Variants in HIPK2 observed in about 807,000 individuals in gnomAD.
HIPK2 encodes the protein homeodomain interacting protein kinase 2.
HIPK2 carries 27 observed loss-of-function variants against 113.7 expected under a neutral mutation model. The observed-to-expected ratio is 0.24, with a 90% confidence interval of 0.17 to 0.33. The LOEUF (loss-of-function observed/expected upper bound fraction) is 0.33. Ranked by LOEUF, HIPK2 falls within the 10% of genes least tolerant of loss-of-function variation. The probability of loss-of-function intolerance (pLI) is 1.00; values close to 1 mark genes in which losing one functional copy is unlikely to be tolerated. For synonymous variants in HIPK2, 631 were observed against 642.2 expected, an observed-to-expected ratio of 0.98 and a Z score of 0.26; for missense variants, 1,257 against 1,588.0, an observed-to-expected ratio of 0.79 and a Z score of 3.54.
At chr7:139,678,189 T>C (rs1478056027) in intron 2 of HIPK2, among the ~76,000 whole-genome samples, 1 of 152,244 alleles carries the variant, frequency 6.6e-6, no homozygotes, top group Non-Finnish European at 1.5e-5. Flanking sequence ...ACTGTGATGA[T>C]AGTTTCTTTT....
intron 2 of HIPK2, among the ~76,000 whole-genome samples, chr7:139,664,289 C>A (rs1266673135): frequency 6.6e-6 from 1 of 152,094 alleles, no homozygotes; most frequent in Non-Finnish European, 1.5e-5. Context: ...GTAATCCCAG[C>A]AACTTTGGGA....
intron 1 of HIPK2, among the ~76,000 whole-genome samples, chr7:139,719,969 C>G (rs918221377): frequency 1.3e-5 from 2 of 152,234 alleles, no homozygotes; most frequent in Admixed American, 6.5e-5. Flanking sequence ...CTCCAAACTT[C>G]CACTGGCTCC....
rs1794112537 is a variant in HIPK2 at position 139,683,344 on chromosome 7, A to G, written c.1103+32588T>C. ...GGTTGCTCTAGGCCAGTGCTTCAGC[A>G]GCGGCCTAGCCGGGTCTGGTGCAGG... On this transcript the variant is annotated intron_variant, in intron 2 of 14. Transcript: ENST00000406875. The surrounding 1 kb of genome is among the most constrained non-coding windows in gnomAD (Gnocchi z 4.2). 5.3e-5 allele frequency among the ~76,000 whole-genome samples: 8 copies of G among 152,228 alleles called. No homozygotes were observed. Among genetic ancestry groups the G allele is most frequent in the Admixed American group, 5.2e-4 (8 of 15,284 alleles).
At chr7:139,689,202 G>T (rs1021051406) in intron 2 of HIPK2, among the ~76,000 whole-genome samples, 1 of 152,140 alleles carries the variant, frequency 6.6e-6, no homozygotes, top group African/African-American at 2.4e-5. Context: ...ATGAACTGCT[G>T]GTAGGGAAAA....
At chr7:139,715,644 T>A (rs776338556) in intron 2 of HIPK2, among the ~76,000 whole-genome samples, 1 of 152,194 alleles carries the variant, frequency 6.6e-6, no homozygotes, top group East Asian at 1.9e-4. Context: ...CCTGTCTGGA[T>A]CCTACCCATC....
chr7:139,751,392 C>T (rs974681961), intron 1 of HIPK2, among the ~76,000 whole-genome samples: 2 of 152,162 alleles, frequency 1.3e-5, no homozygotes, highest in African/African-American at 2.4e-5. Flanking sequence ...AAGAACCAAT[C>T]CTGGCTAGTC....
chr7:139,649,317 C>T (rs1447582427), intron 2 of HIPK2, among the ~76,000 whole-genome samples: 1 of 152,186 alleles, frequency 6.6e-6, no homozygotes, highest in African/African-American at 2.4e-5. Context: ...TGTTACAGGG[C>T]CCCAGAGCCC....
intron 10 of HIPK2, 138 bp from the exon 11 acceptor site, chr7:139,600,734 A>G (rs1799395212): frequency 1.1e-6 from 1 of 945,106 alleles, no homozygotes; most frequent in Non-Finnish European, 1.6e-6. Context: ...TGAAGGGATG[A>G]GCCTGGCCAT....
At chr7:139,746,233 G>A (rs1406114003) in intron 1 of HIPK2, among the ~76,000 whole-genome samples, 1 of 152,164 alleles carries the variant, frequency 6.6e-6, no homozygotes, top group Non-Finnish European at 1.5e-5. Context: ...GACACCCACT[G>A]TCCCCCAGCC....
chr7:139,728,645 G>T (rs1413671091), intron 1 of HIPK2, among the ~76,000 whole-genome samples: 1 of 152,210 alleles, frequency 6.6e-6, no homozygotes, highest in Non-Finnish European at 1.5e-5. Flanking sequence ...CACATTCTGA[G>T]ATATGGAAGG....
At chr7:139,757,514 A>C (rs1276677945) in intron 1 of HIPK2, among the ~76,000 whole-genome samples, 1 of 152,222 alleles carries the variant, frequency 6.6e-6, no homozygotes, top group Non-Finnish European at 1.5e-5. Context: ...TCTGAGCCAC[A>C]GTGGTACCCT....
chr7:139,750,608 G>A (rs1291701230), intron 1 of HIPK2, among the ~76,000 whole-genome samples: 1 of 152,224 alleles, frequency 6.6e-6, no homozygotes, highest in Non-Finnish European at 1.5e-5. Context: ...ACCAGTAGAA[G>A]GATAAGAAGA....
At chr7:139,725,113 T>C (rs1385973679) in intron 1 of HIPK2, among the ~76,000 whole-genome samples, 1 of 152,152 alleles carries the variant, frequency 6.6e-6, no homozygotes, top group Non-Finnish European at 1.5e-5. Context: ...CACAAAGACA[T>C]CTAAGACATC....
rs117812615 is a variant in HIPK2, at chr7:139,690,975, G to A, written c.1103+24957C>T. ...TTTGATCCTGGACAATCTCGGCCTG[G>A]GAAGCCTGCAAATGCTCACCTTTAG... On this transcript the variant is annotated intron_variant, in intron 2 of 14. Coordinates refer to ENST00000406875, the MANE Select transcript of HIPK2 (RefSeq NM_022740.5). 8.1e-4 allele frequency among the ~76,000 whole-genome samples: 124 copies of A among 152,306 alleles called. No individual in the cohort carries two copies. In the East Asian group the frequency reaches 0.017, roughly 21 times the overall value.
intron 1 of HIPK2, among the ~76,000 whole-genome samples, chr7:139,735,833 A>G (rs930653130): frequency 8.5e-5 from 13 of 152,224 alleles, no homozygotes. Flanking sequence ...TTTAAGATTC[A>G]TAAGCCATCC....
At chr7:139,696,301 G>A (rs1212621654) in intron 2 of HIPK2, among the ~76,000 whole-genome samples, 1 of 152,116 alleles carries the variant, frequency 6.6e-6, no homozygotes, top group African/African-American at 2.4e-5. Flanking sequence ...GGCTGGGCAG[G>A]GTGGCTCACA....
intron 1 of HIPK2, among the ~76,000 whole-genome samples, chr7:139,726,859 G>GA (rs1207779172): frequency 1.3e-5 from 2 of 152,212 alleles, no homozygotes; most frequent in Non-Finnish European, 2.9e-5. Flanking sequence ...TAGCAAATGG[G>GA]AAAAAGATCT....
intron 10 of HIPK2, among the ~76,000 whole-genome samples, chr7:139,602,366 CAAT>C: frequency 6.6e-6 from 1 of 152,196 alleles, no homozygotes; most frequent in East Asian, 1.9e-4. Context: ...TTGTTAGCCA[CAAT>C]AATAGATGTT....
intron 1 of HIPK2, among the ~76,000 whole-genome samples, chr7:139,733,231 T>C (rs769352707): frequency 6.6e-6 from 1 of 152,164 alleles, no homozygotes; most frequent in African/African-American, 2.4e-5. Flanking sequence ...CTTTTCTTTA[T>C]AAATTACCCA....
Sources: allele counts gnomAD v4.1 joint callset (sites outside exome capture counted in the v4.1 genomes callset), GRCh38; gene constraint gnomAD v4.1.1; non-coding constraint Gnocchi (gnomAD v3.1); transcripts MANE v1.5; gene names NCBI Gene and HGNC (gene_info 2026-07-23, HGNC 2026-07-21).